The following KIRREL1 variants were observed in gnomAD, a reference collection of about 807,000 sequenced individuals.
KIRREL1 encodes the protein kirre like nephrin family adhesion molecule 1.
In KIRREL1, 25 loss-of-function variants were observed where a neutral mutation model predicts 83.3. The observed-to-expected ratio is 0.30, with a 90% CI of 0.22 to 0.42. KIRREL1 has a LOEUF of 0.42. KIRREL1 is among the 10% of genes least tolerant of loss of function. The pLI, the probability that KIRREL1 is intolerant of heterozygous loss-of-function variation, is 1.00. For missense variants in KIRREL1, 812 were observed against 1,032.3 expected, an observed-to-expected ratio of 0.79 and a Z score of 2.92; for synonymous variants, 388 against 410.4, an observed-to-expected ratio of 0.95 and a Z score of 0.66.
Position 158,084,423 on chromosome 1 carries a change from C to G in KIRREL1, c.354C>G (p.Ile118Met). Residue 118 changes from isoleucine to methionine, a missense_variant and splice_region_variant, in exon 4 of 15, where the codon ATC (isoleucine) becomes ATG (methionine). This residue lies in a region of KIRREL1 where 472 missense variants were observed against 626.8 expected (regional missense o/e 0.75). Coordinates refer to ENST00000359209, the MANE Select transcript of KIRREL1 (RefSeq NM_018240.7). ...ACTTTGCTCTGCTTTCTCCCACAGT[C>G]CCCCCAGAGGACACCAGGATTGACG... ...RSRRAKLTVL[I>M]PPEDTRIDGG... 11 of 1,549,006 alleles carry G rather than the reference C, an allele frequency of 7.1e-6. No individual in the cohort carries two copies. Among genetic ancestry groups the G allele is most frequent in the Non-Finnish European group, 9.6e-6 (11 of 1,145,434 alleles).
In KIRREL1 at chr1:158,089,777, G is replaced by A. The variant is rs780340737; in HGVS notation, c.1231G>A (p.Val411Met). The part of the protein sequence containing the change: ...QYAVRGDGGK[V>M]ECFIGSTPPP... Reference sequence around the variant, plus strand: ...TGCTGTGAGGGGTGACGGTGGCAAGGTGGAGTGTTTCATTGGGAGCACACC... The same window carrying A: ...TGCTGTGAGGGGTGACGGTGGCAAGATGGAGTGTTTCATTGGGAGCACACC... Residue 411 changes from valine to methionine, a missense_variant, in exon 10 of 15, where the codon GTG becomes ATG. Coordinates refer to ENST00000359209, the MANE Select transcript of KIRREL1 (RefSeq NM_018240.7). The A allele has an allele frequency of 1.1e-5, 17 of 1,614,032 alleles. No homozygotes were observed. In the South Asian group the frequency reaches 1.8e-4, roughly 17 times the overall value.
At chr1:158,039,638 C>G (rs1205269185) in intron 1 of KIRREL1, among the ~76,000 whole-genome samples, 1 of 152,210 alleles carries the variant, frequency 6.6e-6, no homozygotes, top group Non-Finnish European at 1.5e-5. Flanking sequence ...TGTTCCTGAA[C>G]CTACTGTCCT....
At chr1:158,060,314 G>T (rs1021412049) in intron 1 of KIRREL1, among the ~76,000 whole-genome samples, 4 of 152,132 alleles carry the variant, frequency 2.6e-5, no homozygotes, top group African/African-American at 9.7e-5. Context: ...CTCCCTGTCT[G>T]TAGCCACCAG....
At position 158,087,791 on chromosome 1, in the gene KIRREL1, C is replaced by A; in HGVS notation, c.698C>A (p.Thr233Lys). The A allele has an allele frequency of 6.2e-7, 1 of 1,614,054 alleles. No individual in the cohort carries two copies. The highest frequency in any genetic ancestry group is 8.5e-7 in the Non-Finnish European group (1 of 1,179,958). ...PTVTLSIEPQ[T>K]VQEGERVVFT... ...GTGACCCTGTCCATTGAGCCACAGA[C>A]GGTGCAGGAGGGTGAGCGTGTTGTC... Residue 233 changes from threonine (T) to lysine (K), a missense_variant, in exon 6 of 15, where the codon ACG becomes AAG. Around this residue, in one of 3 missense-constraint regions of KIRREL1, gnomAD observed 472 missense variants for 626.8 expected, o/e 0.75. Transcript: ENST00000359209.
At chr1:158,056,446 G>A (rs913620824) in intron 1 of KIRREL1, among the ~76,000 whole-genome samples, 2 of 152,230 alleles carry the variant, frequency 1.3e-5, no homozygotes, top group African/African-American at 4.8e-5. Context: ...GGGTGAGGGA[G>A]CAGGCCAAAG....
At chr1:158,027,680 A>G (rs1489949255) in intron 1 of KIRREL1, among the ~76,000 whole-genome samples, 1 of 152,254 alleles carries the variant, frequency 6.6e-6, no homozygotes. Context: ...ATTTCACAAT[A>G]TCACAAAAGT....
At chr1:158,068,156 T>C (rs1558009300) in intron 1 of KIRREL1, among the ~76,000 whole-genome samples, 1 of 152,204 alleles carries the variant, frequency 6.6e-6, no homozygotes, top group Non-Finnish European at 1.5e-5. Context: ...TCAGTGTCTT[T>C]TTCACTGCAA....
intron 1 of KIRREL1, among the ~76,000 whole-genome samples, chr1:158,022,255 T>C (rs1660020686): frequency 6.6e-6 from 1 of 152,166 alleles, no homozygotes; most frequent in Non-Finnish European, 1.5e-5. Context: ...ATGTAAAGGA[T>C]AAGAGCATTA....
intron 1 of KIRREL1, among the ~76,000 whole-genome samples, chr1:158,055,710 C>T (rs1314662840): frequency 6.6e-6 from 1 of 152,216 alleles, no homozygotes; most frequent in African/African-American, 2.4e-5. Context: ...CCGGGCACTG[C>T]AAATATTGAA....
intron 1 of KIRREL1, among the ~76,000 whole-genome samples, chr1:158,044,888 G>A (rs1331862169): frequency 6.6e-6 from 1 of 152,198 alleles, no homozygotes; most frequent in African/African-American, 2.4e-5. Context: ...TAAAATATTA[G>A]TTAGTTGGAT....
chr1:158,096,482 T>C lies in KIRREL1; in HGVS notation c.*1362T>C, dbSNP rs1417868947. ...CGGTTGTGTGGGGAGTGGGTACTTG[T>C]GAGCCTCGGACACACTGTTAAGTGT... On this transcript the variant is annotated 3_prime_UTR_variant, in exon 15 of 15. Coordinates refer to ENST00000359209, the MANE Select transcript of KIRREL1 (RefSeq NM_018240.7). 1 of 415,854 alleles carries C rather than the reference T, an allele frequency of 2.4e-6. No homozygotes were observed. The highest frequency in any genetic ancestry group is 4.9e-6 in the Non-Finnish European group (1 of 203,880). 25.8% of individuals were successfully genotyped at this position (415,854 alleles called of 1,614,324 possible).
chr1:158,016,432 T>C (rs1659827799), intron 1 of KIRREL1, among the ~76,000 whole-genome samples: 1 of 152,130 alleles, frequency 6.6e-6, no homozygotes, highest in Non-Finnish European at 1.5e-5. Context: ...GCTAGCCAGA[T>C]CAAAGGCCAG....
chr1:158,087,733 C>T, intron 5 of KIRREL1, 22 bp from the exon 6 acceptor site: 3 of 1,571,908 alleles, frequency 1.9e-6, no homozygotes, highest in Non-Finnish European at 2.6e-6. Flanking sequence ...AAGACCCTGA[C>T]TCCCTGTGCT....
intron 1 of KIRREL1, among the ~76,000 whole-genome samples, chr1:157,995,221 G>A (rs1456134227): frequency 1.3e-5 from 2 of 152,226 alleles, no homozygotes; most frequent in African/African-American, 4.8e-5. Context: ...GGCAAAGCCT[G>A]GCTGAGTTGG....
rs75693314 is a variant in KIRREL1, at chr1:158,056,375, A to C, written c.53-19738A>C. 5.5e-3 allele frequency among the ~76,000 whole-genome samples: 834 copies of C among 152,278 alleles called. 10 individuals are homozygous for C. Among genetic ancestry groups the C allele is most frequent in the African/African-American group, 0.019 (802 of 41,564 alleles). ...GGCTGGAGCATCCACCACCATCTGC[A>C]ATTCCTCCTCACAGGGCAGGGCAAG... On this transcript the variant is annotated intron_variant, in intron 1 of 14. Coordinates refer to ENST00000359209, the MANE Select transcript of KIRREL1 (RefSeq NM_018240.7).
At chr1:158,056,431 T>G (rs1234678428) in intron 1 of KIRREL1, among the ~76,000 whole-genome samples, 1 of 151,948 alleles carries the variant, frequency 6.6e-6, no homozygotes, top group Non-Finnish European at 1.5e-5. Context: ...TCAGCAGGGG[T>G]CTAGGGGTGA....
intron 3 of KIRREL1, among the ~76,000 whole-genome samples, chr1:158,079,554 C>T (rs1661784530): frequency 2.6e-5 from 4 of 152,244 alleles, no homozygotes; most frequent in Admixed American, 2.6e-4. Context: ...ATCCTTACCT[C>T]AGGTGATCCA....
Position 158,096,992 on chromosome 1 carries a change from G to A in KIRREL1, c.*1872G>A, listed in dbSNP as rs771557039. ...GGGCGACATTCCTGGCCAACCCCTT[G>A]TAGGAAGGACCAGATAATACCCAGG... On this transcript the variant is annotated 3_prime_UTR_variant, in exon 15 of 15. Coordinates refer to ENST00000359209, the MANE Select transcript of KIRREL1 (RefSeq NM_018240.7). 2 of 456,884 alleles carry A rather than the reference G, an allele frequency of 4.4e-6. No homozygotes were observed. Among genetic ancestry groups the A allele is most frequent in the South Asian group, 1.5e-5 (1 of 64,564 alleles). The allele number at this position is 456,884 out of a possible 1,614,324, so 28.3% of individuals were successfully genotyped here. A position where few individuals can be genotyped will look rare whatever the true frequency, so the allele number is the denominator to read the frequency against.
intron 1 of KIRREL1, among the ~76,000 whole-genome samples, chr1:158,008,333 G>C (rs563248001): frequency 6.6e-6 from 1 of 152,270 alleles, no homozygotes; most frequent in East Asian, 1.9e-4. Context: ...AGGAGGCTGT[G>C]CCCCTTGGGG....
Sources: gnomAD v4.1 joint callset for allele counts (sites outside exome capture counted in the v4.1 genomes callset) on GRCh38, gnomAD v4.1.1 for gene constraint, gnomAD v4.1.1 regional missense constraint, MANE v1.5 for transcripts, NCBI Gene and HGNC (gene_info 2026-07-23, HGNC 2026-07-21) for gene names.